SLK: variants seen among roughly 807,000 people sequenced by gnomAD.
SLK encodes the protein STE20 like kinase.
In SLK, 67 loss-of-function variants were observed where a neutral mutation model predicts 147.7. The observed-to-expected ratio is 0.45, with a 90% CI of 0.37 to 0.56. SLK has a LOEUF of 0.56. Ranked by LOEUF, SLK falls within the 20% of genes least tolerant of loss-of-function variation. The pLI is 0.00. For missense variants in SLK, 1,136 were observed against 1,438.8 expected (o/e 0.79, Z 3.41); for synonymous variants, 441 against 475.0 (o/e 0.93, Z 0.93).
At chr10:103,973,643 A>G (rs922931988) in intron 1 of SLK, among the ~76,000 whole-genome samples, 2 of 152,156 alleles carry the variant, frequency 1.3e-5, no homozygotes, top group Non-Finnish European at 2.9e-5. Flanking sequence ...CTTTTTTACT[A>G]TCTTAATAAT....
At chr10:103,999,026 A>G in intron 5 of SLK, 55 bp downstream of exon 5, 1 of 1,531,756 alleles carries the variant, frequency 6.5e-7, no homozygotes, top group Non-Finnish European at 9.0e-7. Flanking sequence ...AGTTATAATT[A>G]CTCATGAATT....
intron 2 of SLK, among the ~76,000 whole-genome samples, chr10:103,991,972 C>G (rs1447548011): frequency 6.6e-6 from 1 of 151,578 alleles, no homozygotes; most frequent in Non-Finnish European, 1.5e-5. Context: ...TAGTGGGAGA[C>G]ATAAATGTTA....
chr10:103,998,718 G>A (rs768589731), intron 4 of SLK, among the ~76,000 whole-genome samples, 181 bp from the exon 5 acceptor site: 2 of 152,064 alleles, frequency 1.3e-5, no homozygotes, highest in African/African-American at 2.4e-5. Context: ...AGGTTTTTTT[G>A]GGAGATGGTA....
intron 13 of SLK, 28 bp from the exon 14 acceptor site, chr10:104,018,132 T>C (rs1278133768): frequency 6.4e-7 from 1 of 1,557,442 alleles, no homozygotes; most frequent in African/African-American, 1.4e-5. Context: ...TAGATACTTA[T>C]TAACTGACAA....
intron 1 of SLK, 93 bp downstream of exon 1, chr10:103,967,988 C>G: frequency 7.6e-7 from 1 of 1,308,724 alleles, no homozygotes; most frequent in Non-Finnish European, 1.1e-6. Flanking sequence ...GGTCCTTATC[C>G]TGTCCTTCTT....
intron 1 of SLK, among the ~76,000 whole-genome samples, chr10:103,971,478 G>C (rs1843792922): frequency 6.6e-6 from 1 of 152,196 alleles, no homozygotes; most frequent in Admixed American, 6.5e-5. Flanking sequence ...GTTTCACCAT[G>C]TTTGCCAGGG....
chr10:104,021,352 ATCT>A (rs1326888924), intron 17 of SLK, among the ~76,000 whole-genome samples: 2 of 152,314 alleles, frequency 1.3e-5, no homozygotes, highest in East Asian at 1.9e-4. Context: ...TTATGAGCAA[ATCT>A]TCTTAGAAAG....
chr10:104,012,652 A>G (rs540133217), intron 13 of SLK, among the ~76,000 whole-genome samples: 4 of 152,276 alleles, frequency 2.6e-5, no homozygotes, highest in Admixed American at 1.3e-4. Context: ...TCTCATCCAG[A>G]TAAGTTTGGG....
intron 2 of SLK, among the ~76,000 whole-genome samples, chr10:103,992,377 T>C (rs1844108583): frequency 6.6e-6 from 1 of 151,960 alleles, no homozygotes; most frequent in Non-Finnish European, 1.5e-5. Flanking sequence ...AACATGGCAA[T>C]TAACAAAAAT....
intron 18 of SLK, among the ~76,000 whole-genome samples, chr10:104,022,095 G>A (rs931351875): frequency 6.6e-6 from 1 of 152,162 alleles, no homozygotes; most frequent in African/African-American, 2.4e-5. Flanking sequence ...GGGCTGATTG[G>A]AGTGGAATGG....
chr10:103,990,665 T>A lies in SLK; in HGVS notation c.151-10T>A. ...TTGAAATGTGACACTTCTGATACTT[T>A]CATTTTCAGGCCCAGAATAAAGAGA... On this transcript the variant is annotated splice_polypyrimidine_tract_variant and intron_variant, in intron 1 of 18. Transcript: ENST00000369755. 1 of 1,517,032 alleles carries A rather than the reference T, an allele frequency of 6.6e-7. No individual in the cohort carries two copies. Among genetic ancestry groups the A allele is most frequent in the Admixed American group, 2.3e-5 (1 of 42,584 alleles). The allele number at this position is 1,517,032 out of a possible 1,614,324, so 94.0% of individuals were successfully genotyped here.
chr10:104,002,956 A>T lies in SLK; in HGVS notation c.1778A>T (p.Glu593Val). The T allele has an allele frequency of 6.2e-7, 1 of 1,614,010 alleles. No individual in the cohort carries two copies. Among genetic ancestry groups the T allele is most frequent in the Non-Finnish European group, 8.5e-7 (1 of 1,179,902 alleles). ...KLINKPMVGP[E>V]AGGTKEVPIK... ...ATTAATAAGCCCATGGTGGGTCCTG[A>T]GGCTGGTGGTACTAAGGAAGTTCCT... The change falls in exon 9 of 19, where the codon GAG (glutamate) becomes GTG (valine). Residue 593 changes from glutamate (E) to valine (V), a missense_variant. Around this residue, in one of 6 missense-constraint regions of SLK, gnomAD observed 516 missense variants for 531.3 expected, o/e 0.97. Coordinates refer to ENST00000369755, the MANE Select transcript of SLK (RefSeq NM_014720.4).
chr10:104,018,343 T>A, intron 14 of SLK, 54 bp downstream of exon 14: 1 of 1,490,006 alleles, frequency 6.7e-7, no homozygotes. Context: ...CTTATGACAG[T>A]AGAAGTGAAT....
intron 1 of SLK, among the ~76,000 whole-genome samples, chr10:103,988,807 G>A (rs550367623): frequency 6.6e-6 from 1 of 151,050 alleles, no homozygotes; most frequent in South Asian, 2.1e-4. Flanking sequence ...TTTTTTACTT[G>A]GCAGATATAT....
intron 1 of SLK, among the ~76,000 whole-genome samples, chr10:103,979,965 T>C (rs1166233757): frequency 1.3e-5 from 2 of 152,340 alleles, no homozygotes; most frequent in African/African-American, 2.4e-5. Flanking sequence ...GTGTTATCTT[T>C]GTAAAGTTTT....
intron 11 of SLK, among the ~76,000 whole-genome samples, chr10:104,007,587 G>A (rs974249405): frequency 2.6e-5 from 4 of 151,344 alleles, no homozygotes; most frequent in African/African-American, 9.7e-5. Context: ...CAGCCTGGGC[G>A]ACAGAGGGAG....
rs759686290 is a variant in SLK, at chr10:104,025,559, C to T, written c.3562-15C>T. ...TACCAGCACATAGCAATTTCTTTTT[C>T]CCTTTCTTTTTAAGACACTGGAAGA... On this transcript the variant is annotated splice_polypyrimidine_tract_variant and intron_variant, in intron 18 of 18. Coordinates refer to ENST00000369755, the MANE Select transcript of SLK (RefSeq NM_014720.4). 2.5e-6 allele frequency: 4 copies of T among 1,610,870 alleles called. No individual in the cohort carries two copies. The Admixed American group carries it at 6.7e-5, about 27-fold the overall frequency.
intron 1 of SLK, among the ~76,000 whole-genome samples, chr10:103,989,585 C>T (rs1473886973): frequency 6.6e-6 from 1 of 150,660 alleles, no homozygotes; most frequent in Non-Finnish European, 1.5e-5. Flanking sequence ...TCTCCTGCCT[C>T]AGCCTCCCGA....
chr10:103,995,423 C>CTTTTTTTTTTTTTTTTTTTTTTTTTT (rs756975426), intron 4 of SLK, among the ~76,000 whole-genome samples: 69 of 67,662 alleles, frequency 1.0e-3, no homozygotes, highest in African/African-American at 1.2e-3. Flanking sequence ...TCTTTCTTTT[C>CTTTTTTTTTTTTTTTTTTTTTTTTTT]TTTTTTTTTT....
Sources: gnomAD v4.1 joint callset for allele counts (sites outside exome capture counted in the v4.1 genomes callset) on GRCh38, gnomAD v4.1.1 for gene constraint, gnomAD v4.1.1 regional missense constraint, MANE v1.5 for transcripts, NCBI Gene and HGNC (gene_info 2026-07-23, HGNC 2026-07-21) for gene names.